Variants in GPX3 observed in about 807,000 individuals in gnomAD.
The protein encoded by GPX3 is glutathione peroxidase 3.
A neutral mutation model predicts 25.1 loss-of-function variants in GPX3; 22 were observed. The ratio of observed to expected loss-of-function variants is 0.88; its 90% confidence interval spans 0.63 to 1.25. The LOEUF is 1.25. GPX3 is among the 50% of genes most tolerant of loss of function. The pLI, the probability that GPX3 is intolerant of heterozygous loss-of-function variation, is 0.00. For synonymous variants in GPX3, 110 were observed against 114.5 expected (o/e 0.96, Z 0.25); for missense variants, 278 against 286.6 (o/e 0.97, Z 0.22).
In GPX3 at chr5:151,028,345, G is replaced by A. The variant is rs1236246971; in HGVS notation, c.*215G>A. Reference sequence around the variant, plus strand: ...TTTACACACATGCCTACAGGTATGCGTGATTGTGTGTGTGTGCATGGGTGT... The same window carrying A: ...TTTACACACATGCCTACAGGTATGCATGATTGTGTGTGTGTGCATGGGTGT... On this transcript the variant is annotated 3_prime_UTR_variant, in exon 5 of 5. Coordinates refer to ENST00000388825, the MANE Select transcript of GPX3 (RefSeq NM_002084.5). 9 of 568,216 alleles carry A rather than the reference G, an allele frequency of 1.6e-5. No individual in the cohort carries two copies. The highest frequency in any genetic ancestry group is 3.0e-5 in the Admixed American group (1 of 33,376). The allele number at this position is 568,216 out of a possible 1,614,324, so 35.2% of individuals were successfully genotyped here.
intron 4 of GPX3, 65 bp downstream of exon 4, chr5:151,027,596 A>G: frequency 9.5e-7 from 1 of 1,047,190 alleles, no homozygotes. Context: ...CCACAGCGTC[A>G]GGGCCCATGC....
intron 1 of GPX3, among the ~76,000 whole-genome samples, chr5:151,024,818 A>G (rs1437616116): frequency 6.6e-6 from 1 of 152,130 alleles, no homozygotes; most frequent in African/African-American, 2.4e-5. Flanking sequence ...CACCATGTCC[A>G]TACGGCCTCT....
chr5:151,024,408 A>G (rs1756517615), intron 1 of GPX3, among the ~76,000 whole-genome samples: 1 of 152,182 alleles, frequency 6.6e-6, no homozygotes, highest in African/African-American at 2.4e-5. Flanking sequence ...TCATGATCCT[A>G]TCAAGCCATC....
rs1346009467 is a variant in GPX3, at chr5:151,026,831, G to A, written c.242-69G>A. 14 of 1,102,054 alleles carry A rather than the reference G, an allele frequency of 1.3e-5. 1 individual carries two copies. Among genetic ancestry groups the A allele is most frequent in the Middle Eastern group, 2.3e-4 (1 of 4,390 alleles). 68.3% of individuals were successfully genotyped at this position (1,102,054 alleles called of 1,614,324 possible). On this transcript the variant is annotated intron_variant, in intron 2 of 4. Coordinates refer to ENST00000388825, the MANE Select transcript of GPX3 (RefSeq NM_002084.5). ...CCAGCGGCACAGCGGGTGAGCCGGG[G>A]GAGTGGTGTGGATGAGACAGGGCTC...
intron 4 of GPX3, 95 bp from the exon 5 acceptor site, chr5:151,027,814 T>G (rs1463069390): frequency 1.8e-6 from 2 of 1,085,170 alleles, no homozygotes; most frequent in South Asian, 2.5e-5. Context: ...CTGGGGCTCT[T>G]TTCTCAGGGC....
In GPX3 at chr5:151,028,176, T is replaced by G. The variant is rs751318928; in HGVS notation, c.*46T>G. On this transcript the variant is annotated 3_prime_UTR_variant, in exon 5 of 5. Transcript: ENST00000388825. ...TGTCCACCATGTAGGGGAGGGACTT[T>G]GTTCAGGAAGAAATCCGTGTCTCCA... is the stretch of plus-strand genomic sequence containing the variant. 8.6e-6 allele frequency: 13 copies of G among 1,505,862 alleles called. No homozygotes were observed. The South Asian group carries it at 1.4e-4, about 17-fold the overall frequency. 93.3% of individuals were successfully genotyped at this position (1,505,862 alleles called of 1,614,324 possible).
intron 4 of GPX3, 46 bp from the exon 5 acceptor site, chr5:151,027,863 C>G (rs1205684539): frequency 1.3e-6 from 2 of 1,493,626 alleles, no homozygotes; most frequent in East Asian, 4.5e-5. Context: ...GGAAGAGGGT[C>G]AGGGGGCCTC....
chr5:151,021,565 T>C (rs1386450189), intron 1 of GPX3: 1 of 152,288 alleles, frequency 6.6e-6, no homozygotes, highest in Non-Finnish European at 1.5e-5. Context: ...AACCTGGTAG[T>C]TGGAGAAAGC....
chr5:151,026,676 A>T, intron 2 of GPX3: 1 of 451,518 alleles, frequency 2.2e-6, no homozygotes, highest in Non-Finnish European at 3.9e-6. Context: ...GAGGAAGGGT[A>T]TTATTCTTGT....
At chr5:151,027,402 T>C in intron 3 of GPX3, 30 bp from the exon 4 acceptor site, 1 of 1,477,106 alleles carries the variant, frequency 6.8e-7, no homozygotes, top group South Asian at 1.1e-5. Flanking sequence ...CCCACCTCCT[T>C]GGGACCCACC....
At chr5:151,022,902 T>C (rs1490510057) in intron 1 of GPX3, among the ~76,000 whole-genome samples, 1 of 152,140 alleles carries the variant, frequency 6.6e-6, no homozygotes, top group Non-Finnish European at 1.5e-5. Context: ...ATGGAGGAGC[T>C]GGAGCCCCAG....
chr5:151,022,483 T>TA (rs8177419), intron 1 of GPX3, among the ~76,000 whole-genome samples: 13 of 152,290 alleles, frequency 8.5e-5, no homozygotes, highest in African/African-American at 2.2e-4. Context: ...CCCAAGTTCT[T>TA]AGAGTTCAGA....
intron 1 of GPX3, among the ~76,000 whole-genome samples, chr5:151,024,435 G>T (rs8177431): frequency 6.6e-6 from 1 of 151,994 alleles, no homozygotes; most frequent in Non-Finnish European, 1.5e-5. Flanking sequence ...GACCTGGTTG[G>T]AGAGTTGGTT....
Position 151,027,410 on chromosome 5 carries a change from AC to A in GPX3, c.360-20del, listed in dbSNP as rs1309309151. ...CCCTGTGCCCACCTCCTTGGGACCC[AC>A]CTAAGAACATTTCTCAACAGGTATG... On this transcript the variant is annotated intron_variant, in intron 3 of 4. Coordinates refer to ENST00000388825, the MANE Select transcript of GPX3 (RefSeq NM_002084.5). The A allele has an allele frequency of 4.5e-6, 7 of 1,547,210 alleles. No individual in the cohort carries two copies. The Admixed American group carries it at 5.0e-5, about 11-fold the overall frequency.
rs375078202 is a variant in GPX3 at position 151,028,544 on chromosome 5, TCTAA to T, written c.*417_*420del. Reference sequence around the variant, plus strand: ...CCAGCTCTAGGTCCAATTGTTCTGCTCTAACTGATACCTCAACCTTGGGGCCAGC... The same window carrying T: ...CCAGCTCTAGGTCCAATTGTTCTGCTCTGATACCTCAACCTTGGGGCCAGC... On this transcript the variant is annotated 3_prime_UTR_variant, in exon 5 of 5. Transcript: ENST00000388825. The T allele has an allele frequency of 2.9e-4, 56 of 192,068 alleles. No homozygotes were observed. Among genetic ancestry groups the T allele is most frequent in the South Asian group, 1.3e-3 (15 of 11,840 alleles). 11.9% of individuals were successfully genotyped at this position (192,068 alleles called of 1,614,324 possible).
In GPX3 at chr5:151,023,480, T is replaced by C. The variant is rs139015693; in HGVS notation, c.88-1860T>C. Among the ~76,000 whole-genome samples the C allele has an allele frequency of 2.3e-3, 354 of 152,174 alleles. 3 individuals are homozygous for C. Among genetic ancestry groups the C allele is most frequent in the African/African-American group, 8.0e-3 (331 of 41,522 alleles). ...CAGCAAAAAATAGAACCTAATGAAA[T>C]AGGGTTCTCCTTGCCACACCCCCAA... On this transcript the variant is annotated intron_variant, in intron 1 of 4. Coordinates refer to ENST00000388825, the MANE Select transcript of GPX3 (RefSeq NM_002084.5).
At chr5:151,023,017 G>A (rs1237849192) in intron 1 of GPX3, among the ~76,000 whole-genome samples, 5 of 152,192 alleles carry the variant, frequency 3.3e-5, no homozygotes, top group East Asian at 3.9e-4. Flanking sequence ...GTAATAAGAC[G>A]GGAGAGGAGA....
chr5:151,028,511 A>T lies in GPX3; in HGVS notation c.*381A>T. The T allele has an allele frequency of 4.3e-6, 1 of 232,840 alleles. No homozygotes were observed. Among genetic ancestry groups the T allele is most frequent in the Non-Finnish European group, 8.8e-6 (1 of 114,232 alleles). 14.4% of individuals were successfully genotyped at this position (232,840 alleles called of 1,614,324 possible). On this transcript the variant is annotated 3_prime_UTR_variant, in exon 5 of 5. Transcript: ENST00000388825. ...ATAGTTCACTTACACCTAAACCCAA[A>T]GGAAAAACCAGCTCTAGGTCCAATT... is the stretch of plus-strand genomic sequence containing the variant.
rs374291371 is a variant in GPX3 at position 151,026,783 on chromosome 5, C to T, written c.242-117C>T. Reference sequence around the variant, plus strand: ...CACTGGTGATCCTGCGCAAGTCCCTCCCTTTCTCGGGCCTCAGTAGTTCCA... The same window carrying T: ...CACTGGTGATCCTGCGCAAGTCCCTTCCTTTCTCGGGCCTCAGTAGTTCCA... On this transcript the variant is annotated intron_variant, in intron 2 of 4. Coordinates refer to ENST00000388825, the MANE Select transcript of GPX3 (RefSeq NM_002084.5). 29 of 716,470 alleles carry T rather than the reference C, an allele frequency of 4.0e-5. No individual in the cohort carries two copies. The East Asian group carries it at 4.5e-4, about 11-fold the overall frequency. 44.4% of individuals were successfully genotyped at this position (716,470 alleles called of 1,614,324 possible). A position where few individuals can be genotyped will look rare whatever the true frequency, so the allele number is the denominator to read the frequency against.
Sources: allele counts gnomAD v4.1 joint callset (sites outside exome capture counted in the v4.1 genomes callset), GRCh38; gene constraint gnomAD v4.1.1; transcripts MANE v1.5; gene names NCBI Gene and HGNC (gene_info 2026-07-23, HGNC 2026-07-21).